PRKG1: variants seen among roughly 807,000 people sequenced by gnomAD.
The protein encoded by PRKG1 is cGMP-dependent protein kinase 1.
In PRKG1, 35 loss-of-function variants were observed where a neutral mutation model predicts 88.1. The observed-to-expected ratio is 0.40, with a 90% CI of 0.30 to 0.53. PRKG1 has a LOEUF of 0.53. Ranked by LOEUF, PRKG1 falls within the 20% of genes least tolerant of loss-of-function variation. The pLI, the probability that PRKG1 is intolerant of heterozygous loss-of-function variation, is 0.59. For missense variants in PRKG1, 540 were observed against 839.8 expected, an observed-to-expected ratio of 0.64 and a Z score of 4.41; for synonymous variants, 303 against 292.5, an observed-to-expected ratio of 1.04 and a Z score of -0.37.
intron 7 of PRKG1, among the ~76,000 whole-genome samples, chr10:52,110,425 T>C (rs1015273681): frequency 1.2e-5 from 1 of 81,900 alleles, no homozygotes; most frequent in Non-Finnish European, 2.7e-5. Context: ...ATTGGGAACA[T>C]GCCCATCACA....
chr10:51,180,190 T>TCACCA (rs1837308042), intron 2 of PRKG1, among the ~76,000 whole-genome samples: 1 of 152,172 alleles, frequency 6.6e-6, no homozygotes. Context: ...TCACGGACTG[T>TCACCA]CTCTCTGAGG....
At chr10:52,025,988 G>A (rs1192796567) in intron 5 of PRKG1, among the ~76,000 whole-genome samples, 1 of 151,646 alleles carries the variant, frequency 6.6e-6, no homozygotes, top group Non-Finnish European at 1.5e-5. Context: ...CAATGGAACA[G>A]AACAGAGGCC....
intron 2 of PRKG1, among the ~76,000 whole-genome samples, chr10:51,308,007 T>A (rs1338186641): frequency 4.6e-5 from 7 of 152,064 alleles, no homozygotes; most frequent in Non-Finnish European, 8.8e-5. Flanking sequence ...CCCTCTTAAA[T>A]CAAATAAAAG....
intron 3 of PRKG1, among the ~76,000 whole-genome samples, chr10:51,684,934 T>C (rs1326331494): frequency 2.0e-5 from 3 of 152,186 alleles, no homozygotes; most frequent in African/African-American, 7.2e-5. Context: ...TAAGTATGTC[T>C]TCATTCTAAG....
At chr10:51,859,119 A>C (rs1192109312) in intron 4 of PRKG1, among the ~76,000 whole-genome samples, 1 of 152,220 alleles carries the variant, frequency 6.6e-6, no homozygotes, top group Admixed American at 6.5e-5. Flanking sequence ...GATTTGGCTA[A>C]TGACCTAGGG....
At chr10:51,900,233 C>T (rs1373778465) in intron 4 of PRKG1, among the ~76,000 whole-genome samples, 14 of 152,126 alleles carry the variant, frequency 9.2e-5, no homozygotes, top group Admixed American at 9.2e-4. Flanking sequence ...AATACAACCT[C>T]ACAGATATAT....
At chr10:52,285,688 T>C (rs756957926) in intron 14 of PRKG1, among the ~76,000 whole-genome samples, 13 of 152,108 alleles carry the variant, frequency 8.5e-5, no homozygotes, top group Admixed American at 7.2e-4. Context: ...TAAACTCTTA[T>C]CTATAATTTC....
intron 2 of PRKG1, among the ~76,000 whole-genome samples, chr10:51,268,911 G>A (rs757227794): frequency 6.6e-6 from 1 of 152,260 alleles, no homozygotes; most frequent in Non-Finnish European, 1.5e-5. Context: ...ACTAATAAAT[G>A]TCCTTGAAAT....
At chr10:51,707,453 A>G (rs1841638098) in intron 3 of PRKG1, among the ~76,000 whole-genome samples, 1 of 152,250 alleles carries the variant, frequency 6.6e-6, no homozygotes, top group Admixed American at 6.5e-5. Flanking sequence ...TTAGACAAGA[A>G]GCAGAGCTCC....
chr10:51,534,671 AAAAAAAAAAAAG>A lies in PRKG1; in HGVS notation c.592+66839_592+66850del, dbSNP rs574836004. On this transcript the variant is annotated intron_variant, in intron 3 of 17. Coordinates refer to ENST00000373980, the MANE Select transcript of PRKG1 (RefSeq NM_006258.4). ...AACAGAGCGAGACTCTGTCTCAAAA[AAAAAAAAAAAAG>A]AAAGAAAGAAAGGCAGTTCTGCCCA... is the stretch of plus-strand genomic sequence containing the variant. Among the ~76,000 whole-genome samples the A allele has an allele frequency of 1.6e-3, 241 of 151,496 alleles. 3 individuals carry two copies. The highest frequency in any genetic ancestry group is 0.015 in the South Asian group (72 of 4,760).
intron 10 of PRKG1, among the ~76,000 whole-genome samples, chr10:52,261,933 G>A (rs1013009913): frequency 1.1e-4 from 16 of 151,996 alleles, no homozygotes; most frequent in African/African-American, 3.6e-4. Flanking sequence ...TAGTAAGCTG[G>A]CTTCTCCTGA....
intron 3 of PRKG1, among the ~76,000 whole-genome samples, chr10:51,648,745 T>C (rs866610411): frequency 3.2e-4 from 49 of 152,286 alleles, no homozygotes; most frequent in African/African-American, 1.1e-3. Context: ...CGGAAACATA[T>C]GTCACTTTAA....
chr10:52,253,522 T>TAGCTC (rs1389722798), intron 10 of PRKG1: 1 of 151,202 alleles, frequency 6.6e-6, no homozygotes, highest in Non-Finnish European at 1.5e-5. Flanking sequence ...ATATAAAAGT[T>TAGCTC]AGTTTAAAAA....
chr10:51,295,118 A>G (rs10740212), intron 2 of PRKG1, among the ~76,000 whole-genome samples: 36,368 of 151,938 alleles, frequency 0.24, 4,431 homozygotes, highest in Admixed American at 0.37. Context: ...TTGGCTATTG[A>G]AGGTCTTTTA....
chr10:51,817,825 A>T (rs1005026254), intron 4 of PRKG1, among the ~76,000 whole-genome samples: 3 of 152,166 alleles, frequency 2.0e-5, no homozygotes, highest in African/African-American at 7.2e-5. Flanking sequence ...AAATGACATT[A>T]ACTTCATTTT....
intron 5 of PRKG1, among the ~76,000 whole-genome samples, chr10:51,951,844 A>T (rs1292518337): frequency 6.6e-6 from 1 of 152,198 alleles, no homozygotes; most frequent in African/African-American, 2.4e-5. Context: ...CAAATCCAGC[A>T]TGCCTGTTTT....
chr10:51,371,193 A>C (rs1842698744), intron 2 of PRKG1, among the ~76,000 whole-genome samples: 1 of 151,980 alleles, frequency 6.6e-6, no homozygotes, highest in South Asian at 2.1e-4. Flanking sequence ...TAATTAGGTG[A>C]CCTTAGGCAA....
intron 2 of PRKG1, among the ~76,000 whole-genome samples, chr10:51,192,964 A>G (rs1837668125): frequency 6.6e-6 from 1 of 152,030 alleles, no homozygotes; most frequent in South Asian, 2.1e-4. Context: ...GAAAACAGAG[A>G]AGTAAACCAA....
chr10:52,047,090 G>C (rs376677287), intron 5 of PRKG1, among the ~76,000 whole-genome samples: 4 of 152,112 alleles, frequency 2.6e-5, no homozygotes, highest in African/African-American at 9.7e-5. Context: ...ATGTCCAGTA[G>C]GTTGGGACAG....
Sources: gnomAD v4.1 joint callset for allele counts (sites outside exome capture counted in the v4.1 genomes callset) on GRCh38, gnomAD v4.1.1 for gene constraint, MANE v1.5 for transcripts, NCBI Gene and HGNC (gene_info 2026-07-23, HGNC 2026-07-21) for gene names.